The following DIP2C variants were observed in gnomAD, a reference collection of about 807,000 sequenced individuals.
DIP2C encodes the protein DIP2 acetate--CoA ligase C (putative).
Under a neutral mutation model 192.4 loss-of-function variants are expected in DIP2C, and 33 were observed. That is an observed-to-expected ratio of 0.17 (90% CI 0.13 to 0.23). DIP2C has a LOEUF of 0.23. Among genes scored for constraint, DIP2C ranks in the 10% least tolerant of loss-of-function variants. The probability of loss-of-function intolerance (pLI) is 1.00; values close to 1 mark genes in which losing one functional copy is unlikely to be tolerated. For missense variants in DIP2C, 1,537 were observed against 2,110.1 expected, an observed-to-expected ratio of 0.73 and a Z score of 5.32; for synonymous variants, 979 against 864.1, an observed-to-expected ratio of 1.13 and a Z score of -2.33.
intron 3 of DIP2C, among the ~76,000 whole-genome samples, chr10:442,097 T>C (rs889402882): frequency 2.6e-5 from 4 of 151,980 alleles, no homozygotes; most frequent in Non-Finnish European, 5.9e-5. Context: ...CCCTAAACTG[T>C]GAGTGAGAAC....
intron 3 of DIP2C, among the ~76,000 whole-genome samples, chr10:458,806 T>C (rs1326091822): frequency 6.6e-6 from 1 of 152,258 alleles, no homozygotes; most frequent in Middle Eastern, 3.4e-3. Context: ...GGATGCCCTC[T>C]ACATTCCTGA....
chr10:604,230 C>T (rs535199980), intron 1 of DIP2C, among the ~76,000 whole-genome samples: 1 of 152,258 alleles, frequency 6.6e-6, no homozygotes, highest in Non-Finnish European at 1.5e-5. Flanking sequence ...CTTCATTACA[C>T]TAACAAGCAT....
intron 1 of DIP2C, among the ~76,000 whole-genome samples, chr10:598,494 T>C (rs961390557): frequency 2.6e-5 from 4 of 152,100 alleles, no homozygotes; most frequent in Admixed American, 2.0e-4. Context: ...GTCCGAGGCC[T>C]CGCGACAGGG....
chr10:350,677 T>C, intron 24 of DIP2C, among the ~76,000 whole-genome samples: 1 of 138,888 alleles, frequency 7.2e-6, no homozygotes. Context: ...TCTCGCTCTG[T>C]CGCCAGGCTG....
chr10:329,649 A>G, intron 29 of DIP2C, 48 bp from the exon 30 acceptor site: 1 of 1,569,298 alleles, frequency 6.4e-7, no homozygotes, highest in East Asian at 2.3e-5. Context: ...GCAAGGCTGG[A>G]GCTCAGCAAG....
At chr10:495,536 A>C (rs1844765546) in intron 1 of DIP2C, among the ~76,000 whole-genome samples, 1 of 151,946 alleles carries the variant, frequency 6.6e-6, no homozygotes, top group South Asian at 2.1e-4. Context: ...TGTGTGGAAA[A>C]AATTCTGTTT....
At chr10:480,631 A>G (rs1017230553) in intron 2 of DIP2C, among the ~76,000 whole-genome samples, 1 of 152,228 alleles carries the variant, frequency 6.6e-6, no homozygotes, top group Non-Finnish European at 1.5e-5. Context: ...TACCCTCCCC[A>G]CTGGAGACAC....
At chr10:370,915 T>C (rs1960875055) in intron 17 of DIP2C, among the ~76,000 whole-genome samples, 1 of 152,094 alleles carries the variant, frequency 6.6e-6, no homozygotes, top group Admixed American at 6.5e-5. Flanking sequence ...GAAAAAAGCA[T>C]GAAAGACTCT....
intron 17 of DIP2C, among the ~76,000 whole-genome samples, chr10:379,650 C>T (rs1465557791): frequency 6.6e-6 from 1 of 152,220 alleles, no homozygotes; most frequent in Admixed American, 6.5e-5. Context: ...CTAAGTGATA[C>T]ATATTCCAGA....
Position 409,593 on chromosome 10 carries a change from G to A in DIP2C, c.1058-576C>T, listed in dbSNP as rs900585923. Among the ~76,000 whole-genome samples the A allele has an allele frequency of 2.0e-5, 3 of 152,334 alleles. No homozygotes were observed. The East Asian group carries it at 5.8e-4, about 29-fold the overall frequency. On this transcript the variant is annotated intron_variant, in intron 8 of 36. Transcript: ENST00000280886. ...ACAGAAACCGCGGGGAAGGTTGTAG[G>A]GAGGAAAGTCCTCTGGGGCCACCGC...
chr10:514,487 C>G (rs1441738100), intron 1 of DIP2C, among the ~76,000 whole-genome samples: 1 of 152,244 alleles, frequency 6.6e-6, no homozygotes, highest in Non-Finnish European at 1.5e-5. Context: ...TCGCAATGTT[C>G]ACCAGAGGGT....
In DIP2C at chr10:293,748, C is replaced by G. The variant is rs191997912; in HGVS notation, c.3987-5327G>C. ...AAGGAACAACAGTGCTTAAAAATAA[C>G]AGGCATCATGTTCACACATCCAAAA... On this transcript the variant is annotated intron_variant, in intron 32 of 36. Coordinates refer to ENST00000280886, the MANE Select transcript of DIP2C (RefSeq NM_014974.3). Among the ~76,000 whole-genome samples the G allele has an allele frequency of 3.3e-5, 5 of 152,322 alleles. No homozygotes were observed. In the East Asian group the frequency reaches 5.8e-4, roughly 18 times the overall value.
intron 26 of DIP2C, among the ~76,000 whole-genome samples, chr10:348,292 A>G (rs1369190860): frequency 1.3e-5 from 2 of 152,260 alleles, no homozygotes; most frequent in African/African-American, 2.4e-5. Flanking sequence ...CATCTTGAGG[A>G]GAGGGCTTTG....
At chr10:587,767 G>T (rs527512078) in intron 1 of DIP2C, among the ~76,000 whole-genome samples, 2 of 91,662 alleles carry the variant, frequency 2.2e-5, no homozygotes, top group Middle Eastern at 7.0e-3. Context: ...CTGACCCTGC[G>T]GAAACCCCAC....
chr10:688,158 G>A (rs1204811122), intron 1 of DIP2C, among the ~76,000 whole-genome samples: 2 of 152,174 alleles, frequency 1.3e-5, no homozygotes, highest in South Asian at 2.1e-4. Flanking sequence ...CCCTGCACAC[G>A]GCAGCTCCCG....
intron 8 of DIP2C, among the ~76,000 whole-genome samples, chr10:410,808 A>G (rs1405703030): frequency 6.6e-6 from 1 of 152,234 alleles, no homozygotes; most frequent in Non-Finnish European, 1.5e-5. Flanking sequence ...AAACTTTTGG[A>G]AAAATTCTTG....
At chr10:411,785 G>A (rs10904167) in intron 8 of DIP2C, among the ~76,000 whole-genome samples, 3 of 151,926 alleles carry the variant, frequency 2.0e-5, no homozygotes, top group African/African-American at 4.8e-5. Flanking sequence ...CTGACTCATC[G>A]TAGCAACACC....
chr10:683,623 C>T (rs1446848256), intron 1 of DIP2C, among the ~76,000 whole-genome samples: 2 of 152,142 alleles, frequency 1.3e-5, no homozygotes, highest in Non-Finnish European at 2.9e-5. Flanking sequence ...TGCCAAACAG[C>T]CAGTGACGGC....
chr10:657,045 G>A (rs1251729369), intron 1 of DIP2C, among the ~76,000 whole-genome samples: 1 of 150,432 alleles, frequency 6.6e-6, no homozygotes, highest in East Asian at 1.9e-4. Flanking sequence ...GGCTGGACCT[G>A]CCACTGGACC....
Sources: allele counts gnomAD v4.1 joint callset (sites outside exome capture counted in the v4.1 genomes callset), GRCh38; gene constraint gnomAD v4.1.1; transcripts MANE v1.5; gene names NCBI Gene and HGNC (gene_info 2026-07-23, HGNC 2026-07-21).